The following BROX variants were observed in gnomAD, a reference collection of about 807,000 sequenced individuals.
The protein encoded by BROX is BRO1 domain and CAAX motif containing, also known as BRO1 domain-containing protein BROX.
BROX carries 53 observed loss-of-function variants against 61.0 expected under a neutral mutation model. The ratio of observed to expected loss-of-function variants is 0.87; its 90% CI spans 0.70 to 1.09. The LOEUF is 1.09. Among genes scored for constraint, BROX ranks in the 50% least tolerant of loss-of-function variants. The pLI is 0.00. For missense variants in BROX, 489 were observed against 472.0 expected (o/e 1.04, Z -0.33); for synonymous variants, 152 against 160.2 (o/e 0.95, Z 0.38).
At chr1:222,732,591 A>AGTTTATGTACTTAAACT (rs775387823) in intron 12 of BROX, 37 bp from the exon 13 acceptor site, 1 of 1,425,666 alleles carries the variant, frequency 7.0e-7, no homozygotes. Context: ...TCTCAATCTT[A>AGTTTATGTACTTAAACT]GTTTATGTAC....
At chr1:222,722,590 A>G (rs1420312929) in intron 5 of BROX, 76 bp downstream of exon 5, 1 of 1,075,292 alleles carries the variant, frequency 9.3e-7, no homozygotes, top group African/African-American at 1.6e-5. Context: ...TTAAAAATCT[A>G]TTTTAAAAAG....
intron 8 of BROX, among the ~76,000 whole-genome samples, chr1:222,727,887 T>G (rs1382171244): frequency 6.6e-6 from 1 of 152,182 alleles, no homozygotes; most frequent in Non-Finnish European, 1.5e-5. Context: ...AATAAAAGTC[T>G]TATGTTCCCT....
chr1:222,723,911 G>T (rs1156662983), intron 5 of BROX, among the ~76,000 whole-genome samples, 181 bp from the exon 6 acceptor site: 1 of 152,018 alleles, frequency 6.6e-6, no homozygotes, highest in African/African-American at 2.4e-5. Context: ...TGCCCGTCTC[G>T]GCCTCCCAAA....
chr1:222,730,593 CAAAT>C (rs1185864813), intron 11 of BROX, among the ~76,000 whole-genome samples: 3 of 152,138 alleles, frequency 2.0e-5, no homozygotes, highest in Admixed American at 6.5e-5. Flanking sequence ...GACACTGTCT[CAAAT>C]ATATATAGTA....
chr1:222,724,950 C>T lies in BROX; in HGVS notation c.475-500C>T, dbSNP rs548693550. Among the ~76,000 whole-genome samples the T allele has an allele frequency of 2.0e-5, 3 of 152,108 alleles. No homozygotes were observed. The East Asian group carries it at 5.8e-4, about 30-fold the overall frequency. On this transcript the variant is annotated intron_variant, in intron 6 of 12. Transcript: ENST00000340934. Reference sequence around the variant, plus strand: ...CTGGGATTATAGGTGCCTGCCACCACGCCCAGCTAATTTTTTGTATTTTTA... The same window carrying T: ...CTGGGATTATAGGTGCCTGCCACCATGCCCAGCTAATTTTTTGTATTTTTA...
chr1:222,721,406 A>G (rs904304619), intron 4 of BROX, among the ~76,000 whole-genome samples: 2 of 148,594 alleles, frequency 1.3e-5, no homozygotes, highest in African/African-American at 2.5e-5. Flanking sequence ...AAAAGTTGCC[A>G]TATCTCCATT....
chr1:222,713,385 G>A (rs1286217624), intron 1 of BROX: 4 of 985,466 alleles, frequency 4.1e-6, no homozygotes, highest in Non-Finnish European at 4.8e-6. Flanking sequence ...TAAACAGGAA[G>A]TGGGCGCTCA....
At position 222,726,153 on chromosome 1, in the gene BROX, T is replaced by G. The variant is rs189614501; in HGVS notation, c.580+598T>G. On this transcript the variant is annotated intron_variant, in intron 7 of 12. Coordinates refer to ENST00000340934, the MANE Select transcript of BROX (RefSeq NM_144695.4). ...CTACTGTGCTCATTCTTTTTTCTCT[T>G]TCACTCGTTGGCTTACCTTAATGTC... 5.8e-3 allele frequency among the ~76,000 whole-genome samples: 879 copies of G among 152,382 alleles called. 2 individuals carry two copies. The highest frequency in any genetic ancestry group is 9.4e-3 in the Non-Finnish European group (640 of 68,040).
Position 222,724,180 on chromosome 1 carries a change from A to G in BROX, c.474+16A>G, listed in dbSNP as rs750451168. The G allele has an allele frequency of 1.5e-5, 23 of 1,585,034 alleles. No individual in the cohort carries two copies. The highest frequency in any genetic ancestry group is 1.9e-5 in the Non-Finnish European group (22 of 1,162,626). On this transcript the variant is annotated intron_variant, in intron 6 of 12. Transcript: ENST00000340934. Reference sequence around the variant, plus strand: ...ACATTTAAAGGTAAAACAAACAAACAAAAACCATTATTTGTTCTTAATGCT... The same window carrying G: ...ACATTTAAAGGTAAAACAAACAAACGAAAACCATTATTTGTTCTTAATGCT...
At chr1:222,724,802 T>G (rs1051395105) in intron 6 of BROX, among the ~76,000 whole-genome samples, 1 of 152,130 alleles carries the variant, frequency 6.6e-6, no homozygotes, top group Non-Finnish European at 1.5e-5. Context: ...GTAGTGGGGT[T>G]TTTTTTCTTT....
At chr1:222,728,271 GA>G (rs1199599299) in intron 8 of BROX, among the ~76,000 whole-genome samples, 2 of 152,066 alleles carry the variant, frequency 1.3e-5, no homozygotes, top group African/African-American at 4.8e-5. Context: ...TAGCAAATAG[GA>G]AAAAATAGAT....
Position 222,731,458 on chromosome 1 carries a change from A to G in BROX, c.1091A>G (p.Gln364Arg). Residue 364 changes from glutamine (Q) to arginine (R), a missense_variant, in exon 12 of 13, where the codon CAG (glutamine) becomes CGG (arginine). Physicochemically the swap from Gln to Arg is conservative, Grantham distance 43. Transcript: ENST00000340934. ...IPFEFPPTSV[Q>R]WTPETLAAFD... ...TTCGAATTTCCTCCTACAAGTGTTC[A>G]GTGGACACCAGAAACATTGGCTGCA... 2 of 1,604,204 alleles carry G rather than the reference A, an allele frequency of 1.2e-6. No homozygotes were observed. Among genetic ancestry groups the G allele is most frequent in the Non-Finnish European group, 1.7e-6 (2 of 1,177,356 alleles).
chr1:222,722,489 G>C lies in BROX; in HGVS notation c.376G>C (p.Ala126Pro). The change falls in exon 5 of 13, where the codon GCT becomes CCT. Residue 126 changes from alanine to proline, a missense_variant. Coordinates refer to ENST00000340934, the MANE Select transcript of BROX (RefSeq NM_144695.4). ...TGTAGCTTTATGGTATACCAAATAT[G>C]CTTCAAGACTGGCTGGAAAAGAAAA... ...FNVALWYTKY[A>P]SRLAGKENIT... 6.2e-7 allele frequency: 1 copy of C among 1,612,644 alleles called. No homozygotes were observed. Among genetic ancestry groups the C allele is most frequent in the Non-Finnish European group, 8.5e-7 (1 of 1,178,812 alleles).
intron 10 of BROX, 34 bp downstream of exon 10, chr1:222,729,735 T>TA: frequency 6.4e-7 from 1 of 1,568,584 alleles, no homozygotes; most frequent in Non-Finnish European, 8.7e-7. Context: ...AACTCCCCTT[T>TA]AAAAAACAAA....
intron 9 of BROX, 67 bp downstream of exon 9, chr1:222,728,895 C>A: frequency 8.8e-7 from 1 of 1,139,868 alleles, no homozygotes; most frequent in South Asian, 1.5e-5. Flanking sequence ...TGCCAGGTCT[C>A]TCATCTCACC....
At chr1:222,725,412 G>C in intron 6 of BROX, 38 bp from the exon 7 acceptor site, 1 of 1,399,144 alleles carries the variant, frequency 7.1e-7, no homozygotes, top group South Asian at 1.3e-5. Flanking sequence ...ATAAAATTTG[G>C]CTGCTTTGTT....
Position 222,724,697 on chromosome 1 carries a change from G to C in BROX, c.474+533G>C, listed in dbSNP as rs77062419. Among the ~76,000 whole-genome samples the C allele has an allele frequency of 8.1e-3, 1,233 of 152,196 alleles. 4 individuals are homozygous for C. The highest frequency in any genetic ancestry group is 0.014 in the Non-Finnish European group (954 of 68,002). ...TTCTAATTAAATCACTTTATTGAAGGCCTCCTAGAGGCCAGTGTTGATTTT... is the reference window on the plus strand; with the variant it reads ...TTCTAATTAAATCACTTTATTGAAGCCCTCCTAGAGGCCAGTGTTGATTTT... On this transcript the variant is annotated intron_variant, in intron 6 of 12. Transcript: ENST00000340934.
In BROX at chr1:222,729,700, A is replaced by T; in HGVS notation, c.837A>T (p.Lys279Asn). The T allele has an allele frequency of 6.2e-7, 1 of 1,608,924 alleles. No homozygotes were observed. Among genetic ancestry groups the T allele is most frequent in the Non-Finnish European group, 8.5e-7 (1 of 1,176,180 alleles). ...TCAGGTCTCTCCAAGAAGCAGAAAA[A>T]TGTAAGTTTTCCTGCCAGAATATTA... ...EAIRSLQEAE[K>N]LYAKAEALCK... The change falls in exon 10 of 13, where the codon AAA becomes AAT. Residue 279 changes from lysine to asparagine, a missense_variant and splice_region_variant. Transcript: ENST00000340934.
chr1:222,723,905 C>G (rs1408576153), intron 5 of BROX, among the ~76,000 whole-genome samples, 187 bp from the exon 6 acceptor site: 1 of 152,142 alleles, frequency 6.6e-6, no homozygotes, highest in Non-Finnish European at 1.5e-5. Context: ...GCAACCTGCC[C>G]GTCTCGGCCT....
Sources: allele counts gnomAD v4.1 joint callset (sites outside exome capture counted in the v4.1 genomes callset), GRCh38; gene constraint gnomAD v4.1.1; transcripts MANE v1.5; gene names NCBI Gene and HGNC (gene_info 2026-07-23, HGNC 2026-07-21).